Variants in ZFHX3 observed in about 807,000 individuals in gnomAD.
The protein encoded by ZFHX3 is zinc finger homeobox protein 3.
A neutral mutation model predicts 279.1 loss-of-function variants in ZFHX3; 42 were observed. The observed-to-expected ratio is 0.15, with a 90% CI of 0.12 to 0.19. The LOEUF is 0.19. ZFHX3 is among the 10% of genes least tolerant of loss of function. ZFHX3 has a pLI of 1.00. For synonymous variants in ZFHX3, 2,293 were observed against 1,957.8 expected (o/e 1.17, Z -4.52); for missense variants, 4,981 against 4,754.0 (o/e 1.05, Z -1.40).
At chr16:73,433,993 A>AG (rs973289272) in intron 3 of ZFHX3, among the ~76,000 whole-genome samples, 5 of 152,092 alleles carry the variant, frequency 3.3e-5, no homozygotes, top group Admixed American at 1.3e-4. Flanking sequence ...CCCTTCTGGG[A>AG]GGGGGGCGAG....
At chr16:72,790,874 T>G (rs1031931910) in intron 9 of ZFHX3, 9 of 152,230 alleles carry the variant, frequency 5.9e-5, no homozygotes, top group Admixed American at 3.9e-4. Context: ...GGAGAAAGAT[T>G]CAGGTCAAAA....
At chr16:73,431,920 A>G (rs1237665519) in intron 3 of ZFHX3, among the ~76,000 whole-genome samples, 1 of 152,138 alleles carries the variant, frequency 6.6e-6, no homozygotes, top group Non-Finnish European at 1.5e-5. Flanking sequence ...CTCTAGTTTC[A>G]TCCCCGAGAT....
intron 2 of ZFHX3, among the ~76,000 whole-genome samples, chr16:73,656,447 T>C (rs2052721702): frequency 6.6e-6 from 1 of 152,214 alleles, no homozygotes; most frequent in Non-Finnish European, 1.5e-5. Flanking sequence ...CACAAGGAAA[T>C]GATCATCTCA....
At position 72,835,096 on chromosome 16, in the gene ZFHX3, C is replaced by A. The variant is rs146181503; in HGVS notation, c.3449-5237G>T. 3.0e-3 allele frequency among the ~76,000 whole-genome samples: 459 copies of A among 152,288 alleles called. 3 individuals are homozygous for A. The highest frequency in any genetic ancestry group is 0.01 in the Middle Eastern group (3 of 294). ...ACATGATCATGTTACTTAAATAATA[C>A]ACCAATCTGTGATCCCCGAAGAATG... On this transcript the variant is annotated intron_variant, in intron 4 of 9. Coordinates refer to ENST00000268489, the MANE Select transcript of ZFHX3 (RefSeq NM_006885.4).
rs140130889 is a variant in ZFHX3, at chr16:73,545,041, C to G, written c.-1546-88783G>C. Among the ~76,000 whole-genome samples the G allele has an allele frequency of 4.6e-5, 7 of 152,226 alleles. No individual in the cohort carries two copies. The East Asian group carries it at 1.4e-3, about 30-fold the overall frequency. On this transcript the variant is annotated intron_variant, in intron 2 of 17. Transcript: ENST00000641206. ...CTCCACTGGATCTTACACGAGGCCCCTCATACAACAATAGCAGGTCCCTTC... is the reference window on the plus strand; with the variant it reads ...CTCCACTGGATCTTACACGAGGCCCGTCATACAACAATAGCAGGTCCCTTC...
chr16:73,100,450 C>T (rs1249628751), intron 7 of ZFHX3, among the ~76,000 whole-genome samples: 1 of 152,160 alleles, frequency 6.6e-6, no homozygotes, highest in Non-Finnish European at 1.5e-5. Flanking sequence ...AACTCTTTGG[C>T]AGAATTTGGT....
Position 73,079,989 on chromosome 16 carries a change from C to T in ZFHX3, c.-533+13246G>A, listed in dbSNP as rs111353868. 3.5e-3 allele frequency among the ~76,000 whole-genome samples: 530 copies of T among 152,326 alleles called. 4 individuals carry two copies. The highest frequency in any genetic ancestry group is 0.012 in the African/African-American group (504 of 41,590). ...GCAGACAACCTTTTCCTGTCCTGGC[C>T]TCCTCTCTCAGTCTGATCTTTCTGA... On this transcript the variant is annotated intron_variant, in intron 8 of 17. Coordinates refer to the ZFHX3 transcript ENST00000641206.
intron 7 of ZFHX3, among the ~76,000 whole-genome samples, chr16:73,094,805 GTTCAAGTGATTCTCCTGC>G (rs960198888): frequency 1.3e-5 from 2 of 152,132 alleles, no homozygotes; most frequent in Admixed American, 1.3e-4. Context: ...CACCTTCTGG[GTTCAAGTGATTCTCCTGC>G]TTCAGCCTCC....
At chr16:73,178,345 A>C (rs1418192073) in intron 5 of ZFHX3, among the ~76,000 whole-genome samples, 1 of 151,944 alleles carries the variant, frequency 6.6e-6, no homozygotes, top group African/African-American at 2.4e-5. Context: ...GACCATGTTG[A>C]CCAGGCTAGT....
chr16:73,734,623 A>C (rs2053594505), intron 1 of ZFHX3, among the ~76,000 whole-genome samples: 1 of 152,202 alleles, frequency 6.6e-6, no homozygotes, highest in Non-Finnish European at 1.5e-5. Flanking sequence ...TTGTAGAGAA[A>C]ATAATTTCCC....
At chr16:73,868,673 T>TA (rs1962091723) in intron 1 of ZFHX3, among the ~76,000 whole-genome samples, 1 of 152,220 alleles carries the variant, frequency 6.6e-6, no homozygotes, top group South Asian at 2.1e-4. Context: ...TTAGACACTG[T>TA]AAAAAACCTA....
chr16:73,844,557 T>G (rs9928121), intron 1 of ZFHX3, among the ~76,000 whole-genome samples: 9,254 of 152,018 alleles, frequency 0.061, 948 homozygotes, highest in African/African-American at 0.21. Flanking sequence ...AGTCCCATTT[T>G]ATAGATGAGA....
intron 3 of ZFHX3, among the ~76,000 whole-genome samples, chr16:73,368,338 T>G (rs571994781): frequency 6.6e-6 from 1 of 152,328 alleles, no homozygotes; most frequent in Non-Finnish European, 1.5e-5. Flanking sequence ...GGTGTGAAGC[T>G]GCCTCATTTT....
In ZFHX3 at chr16:73,016,965, C is replaced by T. The variant is rs576147183; in HGVS notation, c.-50+30787G>A. Among the ~76,000 whole-genome samples the T allele has an allele frequency of 2.0e-5, 3 of 151,994 alleles. No individual in the cohort carries two copies. In the East Asian group the frequency reaches 5.8e-4, roughly 29 times the overall value. ...AGGGGGCTGGGCGCAGTGGTTCATG[C>T]CTATAATCCCAGCACTTTGGGAGGC... On this transcript the variant is annotated intron_variant, in intron 1 of 9. Transcript: ENST00000268489.
At chr16:73,045,392 T>C (rs1965256930) in intron 1 of ZFHX3, among the ~76,000 whole-genome samples, 1 of 152,170 alleles carries the variant, frequency 6.6e-6, no homozygotes, top group African/African-American at 2.4e-5. Context: ...ATCTCGCTTA[T>C]TTTAGCTCCT....
intron 3 of ZFHX3, among the ~76,000 whole-genome samples, chr16:72,908,537 G>A (rs769128368): frequency 3.9e-5 from 6 of 152,176 alleles, no homozygotes; most frequent in South Asian, 2.1e-4. Context: ...TTACTTGATC[G>A]TCCGTTCACT....
chr16:73,656,659 A>G (rs62043045), intron 2 of ZFHX3, among the ~76,000 whole-genome samples: 32,866 of 152,202 alleles, frequency 0.22, 3,644 homozygotes, highest in South Asian at 0.23. Context: ...TTTCACTTAA[A>G]GTAAAACACA....
intron 2 of ZFHX3, among the ~76,000 whole-genome samples, chr16:73,519,881 T>G (rs1000018870): frequency 1.3e-5 from 2 of 152,204 alleles, no homozygotes; most frequent in African/African-American, 4.8e-5. Context: ...GGTCGTTTCA[T>G]TTTTCAAAAC....
intron 2 of ZFHX3, among the ~76,000 whole-genome samples, chr16:73,637,281 C>T (rs1204094204): frequency 2.8e-5 from 4 of 144,108 alleles, no homozygotes; most frequent in Non-Finnish European, 4.5e-5. Flanking sequence ...GCCCAGGCTG[C>T]AGTACAACGG....
Sources: allele counts gnomAD v4.1 joint callset (sites outside exome capture counted in the v4.1 genomes callset), GRCh38; gene constraint gnomAD v4.1.1; transcripts MANE v1.5; gene names NCBI Gene and HGNC (gene_info 2026-07-23, HGNC 2026-07-21).